Variants in OR1F1 observed in about 807,000 individuals in gnomAD.
OR1F1 encodes the protein olfactory receptor 1F1.
For synonymous variants in OR1F1, 184 were observed against 156.7 expected (o/e 1.17, Z -1.30); for missense variants, 493 against 376.3 (o/e 1.31, Z -2.57).
the OR1F1 span, among the ~76,000 whole-genome samples, chr16:3,193,103 T>A: frequency 2.6e-5 from 4 of 152,036 alleles, no homozygotes; most frequent in African/African-American, 9.7e-5. Flanking sequence ...ATTTTTGTAT[T>A]TTTAGTAGAG....
At chr16:3,204,503 T>C (rs1198523417) in exon 1 of OR1F1, 2 of 1,614,200 alleles carry the variant, frequency 1.2e-6, no homozygotes, top group South Asian at 1.1e-5. Context: ...GCCAATCACA[T>C]ACTCGAGACT....
chr16:3,192,011 A>T, the OR1F1 span, among the ~76,000 whole-genome samples: 3 of 152,080 alleles, frequency 2.0e-5, no homozygotes, highest in African/African-American at 7.2e-5. Flanking sequence ...TAGGGGTATG[A>T]TTCTCGCTTA....
the OR1F1 span, among the ~76,000 whole-genome samples, chr16:3,192,783 G>C: frequency 7.9e-5 from 12 of 150,996 alleles, no homozygotes; most frequent in Admixed American, 2.6e-4. Flanking sequence ...CGCGGCGCTC[G>C]GCCCTGGGGT....
upstream of OR1F1, among the ~76,000 whole-genome samples, chr16:3,200,490 C>T (rs529477710): frequency 1.3e-5 from 2 of 152,130 alleles, no homozygotes; most frequent in Non-Finnish European, 2.9e-5. Context: ...GCCTGTAATC[C>T]CAACTACTCG....
rs112181014 is a variant in OR1F1 at position 3,204,803 on chromosome 16, A to G, written c.557A>G (p.Lys186Arg). 138 of 1,613,948 alleles carry G rather than the reference A, an allele frequency of 8.6e-5. No individual in the cohort carries two copies. In the African/African-American group the frequency reaches 1.4e-3, roughly 16 times the overall value. ...TTCTGCGATGTGACTCCCCTACTGA[A>G]ACTCTCCTGCTCAGACACACACCTC... Residue 186 changes from lysine to arginine, a missense_variant, in exon 1 of 1, where the codon AAA becomes AGA. Coordinates refer to ENST00000304646, the Ensembl canonical transcript of OR1F1.
chr16:3,199,106 C>G, the OR1F1 span, among the ~76,000 whole-genome samples: 1 of 107,212 alleles, frequency 9.3e-6, no homozygotes, highest in African/African-American at 3.7e-5. Flanking sequence ...AGGCAAGATC[C>G]TGTCTCTACA....
chr16:3,196,125 C>T, the OR1F1 span, among the ~76,000 whole-genome samples: 21 of 152,366 alleles, frequency 1.4e-4, no homozygotes, highest in African/African-American at 5.0e-4. Flanking sequence ...TGAGCACACA[C>T]TCCATTATCA....
At chr16:3,201,544 C>T (rs1380646571), upstream of OR1F1, among the ~76,000 whole-genome samples, 2 of 152,176 alleles carry the variant, frequency 1.3e-5, no homozygotes, top group African/African-American at 4.8e-5. Flanking sequence ...TCCTATCCTC[C>T]TCCATTTAGT....
At chr16:3,188,733 A>G in the OR1F1 span, among the ~76,000 whole-genome samples, 4,323 of 152,104 alleles carry the variant, frequency 0.028, 217 homozygotes, top group African/African-American at 0.097. Context: ...CTTTTAGCCC[A>G]GATCTGCTGG....
At chr16:3,189,782 G>A in the OR1F1 span, 1 of 152,086 alleles carries the variant, frequency 6.6e-6, no homozygotes, top group Admixed American at 6.5e-5. Context: ...AGCGCAGGAC[G>A]TGGACGCCCT....
chr16:3,195,924 G>A, the OR1F1 span, among the ~76,000 whole-genome samples: 1 of 152,164 alleles, frequency 6.6e-6, no homozygotes, highest in Non-Finnish European at 1.5e-5. Flanking sequence ...TGGGTGCGCA[G>A]CCCCACCAGG....
upstream of OR1F1, among the ~76,000 whole-genome samples, chr16:3,200,652 C>T (rs1958126244): frequency 6.6e-6 from 1 of 152,108 alleles, no homozygotes; most frequent in African/African-American, 2.4e-5. Flanking sequence ...AGGAAAAGGT[C>T]AATTTGAAGG....
At chr16:3,189,666 A>C in the OR1F1 span, 1 of 151,878 alleles carries the variant, frequency 6.6e-6, no homozygotes, top group African/African-American at 2.4e-5. Context: ...ATTCTCGCTT[A>C]GGGTGCGAGA....
At chr16:3,191,066 T>A in the OR1F1 span, among the ~76,000 whole-genome samples, 1 of 152,172 alleles carries the variant, frequency 6.6e-6, no homozygotes, top group African/African-American at 2.4e-5. Flanking sequence ...AGGACTTCTG[T>A]GAGCTCCCAG....
At position 3,204,727 on chromosome 16, in the gene OR1F1, C is replaced by A. The variant is rs201246799; in HGVS notation, c.481C>A (p.Leu161Met). ...CAACCTGAATGTCCTTCTGCACACC[C>A]TGCTGATGGCTCCACTCTCATTCTG... is the stretch of plus-strand genomic sequence containing the variant. Residue 161 changes from leucine (L) to methionine (M), a missense_variant, in exon 1 of 1, where the codon CTG (leucine) becomes ATG (methionine). By Grantham distance (15) the Leu-to-Met change is conservative. Transcript: ENST00000304646. 11 of 1,614,136 alleles carry A rather than the reference C, an allele frequency of 6.8e-6. No individual in the cohort carries two copies. In the Admixed American group the frequency reaches 1.8e-4, roughly 27 times the overall value.
chr16:3,191,526 A>G, the OR1F1 span, among the ~76,000 whole-genome samples: 4 of 152,190 alleles, frequency 2.6e-5, no homozygotes, highest in African/African-American at 9.6e-5. Flanking sequence ...TCGGTAGAGC[A>G]TGGGACTCTT....
chr16:3,190,279 A>G, the OR1F1 span, among the ~76,000 whole-genome samples: 2 of 152,156 alleles, frequency 1.3e-5, no homozygotes, highest in African/African-American at 4.8e-5. Context: ...AGGAGTACGG[A>G]CTGAACCCTG....
upstream of OR1F1, among the ~76,000 whole-genome samples, chr16:3,204,079 C>T (rs1015819516): frequency 2.0e-5 from 3 of 152,232 alleles, no homozygotes; most frequent in Admixed American, 6.5e-5. Flanking sequence ...TTCTGTAAAC[C>T]TGAGCCCTGA....
chr16:3,203,422 C>T (rs1958160262), upstream of OR1F1, among the ~76,000 whole-genome samples: 4 of 152,232 alleles, frequency 2.6e-5, no homozygotes, highest in South Asian at 8.3e-4. Context: ...AAAGGGAAGC[C>T]AACCCAGGAC....
Sources: allele counts gnomAD v4.1 joint callset (sites outside exome capture counted in the v4.1 genomes callset), GRCh38; gene constraint gnomAD v4.1.1; transcripts MANE v1.5; gene names NCBI Gene and HGNC (gene_info 2026-07-23, HGNC 2026-07-21).